EDIL3: variants seen among roughly 807,000 people sequenced by gnomAD.
The protein encoded by EDIL3 is EGF-like repeat and discoidin I-like domain-containing protein 3.
In EDIL3, 37 loss-of-function variants were observed where a neutral mutation model predicts 67.4. That is an observed-to-expected ratio of 0.55 (90% CI 0.42 to 0.72). EDIL3 has a LOEUF of 0.72. Ranked by LOEUF, EDIL3 falls within the 30% of genes least tolerant of loss-of-function variation. EDIL3 has a pLI of 0.00. For synonymous variants in EDIL3, 195 were observed against 196.3 expected, an observed-to-expected ratio of 0.99 and a Z score of 0.05; for missense variants, 527 against 586.3, an observed-to-expected ratio of 0.90 and a Z score of 1.04.
At chr5:84,191,556 C>G (rs986577045) in intron 3 of EDIL3, among the ~76,000 whole-genome samples, 2 of 152,068 alleles carry the variant, frequency 1.3e-5, no homozygotes, top group Non-Finnish European at 2.9e-5. Context: ...AGCTGGCCAT[C>G]TGTTCCTTCA....
chr5:84,265,588 A>C (rs1320599838), intron 1 of EDIL3, among the ~76,000 whole-genome samples: 1 of 152,242 alleles, frequency 6.6e-6, no homozygotes, highest in African/African-American at 2.4e-5. Context: ...GTTTTATAAA[A>C]GAGTTGATAT....
rs145538542 is a variant in EDIL3 at position 84,014,982 on chromosome 5, T to C, written c.1137+45318A>G. Among the ~76,000 whole-genome samples the C allele has an allele frequency of 4.2e-3, 636 of 152,286 alleles. 5 individuals carry two copies. Among genetic ancestry groups the C allele is most frequent in the Middle Eastern group, 0.02 (6 of 294 alleles). ...AGGTTGGACAGAGTGCACAGTGATC[T>C]CTCTACTATAGATCAATTTTGTAGG... On this transcript the variant is annotated intron_variant, in intron 9 of 10. Coordinates refer to ENST00000296591, the MANE Select transcript of EDIL3 (RefSeq NM_005711.5).
intron 2 of EDIL3, among the ~76,000 whole-genome samples, chr5:84,240,523 C>G (rs73142623): frequency 0.017 from 2,527 of 152,252 alleles, 63 homozygotes; most frequent in African/African-American, 0.057. Flanking sequence ...TGAGCCCCGC[C>G]TCCTCTCAGA....
At chr5:84,054,655 C>A (rs374069394) in intron 9 of EDIL3, among the ~76,000 whole-genome samples, 1 of 151,826 alleles carries the variant, frequency 6.6e-6, no homozygotes. Flanking sequence ...AGCATTCTTA[C>A]ACACCAATAA....
chr5:84,063,037 A>AAATT (rs1746572301), intron 8 of EDIL3, among the ~76,000 whole-genome samples: 2 of 152,126 alleles, frequency 1.3e-5, no homozygotes, highest in South Asian at 4.1e-4. Context: ...CTGTGCTGGG[A>AAATT]GATGCAGCAC....
At chr5:84,018,021 C>T (rs253159) in intron 9 of EDIL3, among the ~76,000 whole-genome samples, 91,993 of 151,992 alleles carry the variant, frequency 0.61, 29,146 homozygotes, top group East Asian at 0.75. Context: ...ACCTTTCTTT[C>T]GCCATCGTAT....
chr5:84,346,709 C>T (rs1747247406), intron 1 of EDIL3, among the ~76,000 whole-genome samples: 1 of 152,134 alleles, frequency 6.6e-6, no homozygotes, highest in Non-Finnish European at 1.5e-5. Context: ...GACATCAGAA[C>T]CAGTAATGCT....
At chr5:84,133,831 T>C (rs1748041220) in intron 5 of EDIL3, among the ~76,000 whole-genome samples, 1 of 151,956 alleles carries the variant, frequency 6.6e-6, no homozygotes, top group African/African-American at 2.4e-5. Flanking sequence ...AAAAAAGAAT[T>C]GAGATCTTCC....
intron 9 of EDIL3, among the ~76,000 whole-genome samples, chr5:84,033,041 C>A (rs1394633739): frequency 6.6e-6 from 1 of 152,074 alleles, no homozygotes; most frequent in Non-Finnish European, 1.5e-5. Context: ...ATTTTCAAGT[C>A]TTCTGGCTGT....
At chr5:84,189,247 C>G (rs1743528692) in intron 3 of EDIL3, among the ~76,000 whole-genome samples, 1 of 151,706 alleles carries the variant, frequency 6.6e-6, no homozygotes, top group South Asian at 2.1e-4. Flanking sequence ...AATTGGGTAG[C>G]CAGGGGACAT....
Position 84,106,641 on chromosome 5 carries a change from T to C in EDIL3, c.651+8A>G. The C allele has an allele frequency of 2.5e-6, 4 of 1,595,950 alleles. No individual in the cohort carries two copies. Among genetic ancestry groups the C allele is most frequent in the Non-Finnish European group, 3.4e-6 (4 of 1,173,330 alleles). On this transcript the variant is annotated splice_region_variant and intron_variant, in intron 6 of 10. Transcript: ENST00000296591. ...ATAACATTAACCTTGTCCCATCCCA[T>C]CTGTTACCTGAATCCACGGCCATCT... is the stretch of plus-strand genomic sequence containing the variant.
intron 1 of EDIL3, among the ~76,000 whole-genome samples, chr5:84,353,785 C>T (rs947290003): frequency 6.6e-6 from 1 of 152,084 alleles, no homozygotes; most frequent in East Asian, 1.9e-4. Flanking sequence ...GCTCTTAATT[C>T]TTTGTCATTT....
chr5:84,345,739 G>A (rs1353737114), intron 1 of EDIL3, among the ~76,000 whole-genome samples: 2 of 152,056 alleles, frequency 1.3e-5, no homozygotes, highest in African/African-American at 4.8e-5. Flanking sequence ...TTTTTTAAAA[G>A]GTCTAGAAAA....
rs1031805622 is a variant in EDIL3, at chr5:84,084,896, G to A, written c.652-18290C>T. 1.6e-4 allele frequency among the ~76,000 whole-genome samples: 25 copies of A among 152,186 alleles called. 1 individual carries two copies. Among genetic ancestry groups the A allele is most frequent in the African/African-American group, 6.0e-4 (25 of 41,532 alleles). ...TGAAAACAGACAATAATCTAAGAATGGAGAAAATCTACAGTTCAATTTTTT... is the reference window on the plus strand; with the variant it reads ...TGAAAACAGACAATAATCTAAGAATAGAGAAAATCTACAGTTCAATTTTTT... On this transcript the variant is annotated intron_variant, in intron 6 of 10. Transcript: ENST00000296591.
At chr5:84,240,457 A>C (rs573046158) in intron 2 of EDIL3, among the ~76,000 whole-genome samples, 1 of 152,302 alleles carries the variant, frequency 6.6e-6, no homozygotes, top group East Asian at 1.9e-4. Context: ...ATGGGGCATG[A>C]ACCGGTATGG....
intron 6 of EDIL3, among the ~76,000 whole-genome samples, chr5:84,089,221 G>A (rs1445524431): frequency 6.6e-6 from 1 of 152,182 alleles, no homozygotes; most frequent in African/African-American, 2.4e-5. Flanking sequence ...GTGTCACATG[G>A]CAGTGGTGTC....
At chr5:84,084,132 A>G (rs1447690316) in intron 6 of EDIL3, among the ~76,000 whole-genome samples, 2 of 152,224 alleles carry the variant, frequency 1.3e-5, no homozygotes, top group African/African-American at 2.4e-5. Context: ...ATAGCAAGAA[A>G]TAAATTATTT....
intron 6 of EDIL3, among the ~76,000 whole-genome samples, chr5:84,080,634 T>C (rs1746949430): frequency 6.6e-6 from 1 of 152,164 alleles, no homozygotes; most frequent in Non-Finnish European, 1.5e-5. Context: ...GGTTTTTTTC[T>C]ATAAAAACAT....
chr5:84,339,467 C>T (rs771805379), intron 1 of EDIL3, among the ~76,000 whole-genome samples: 5 of 152,112 alleles, frequency 3.3e-5, no homozygotes, highest in Non-Finnish European at 7.4e-5. Context: ...TATTTAGTTT[C>T]TCCCTCTTTA....
Sources: allele counts gnomAD v4.1 joint callset (sites outside exome capture counted in the v4.1 genomes callset), GRCh38; gene constraint gnomAD v4.1.1; transcripts MANE v1.5; gene names NCBI Gene and HGNC (gene_info 2026-07-23, HGNC 2026-07-21).